Variants in STXBP6 observed in about 807,000 individuals in gnomAD.
STXBP6 encodes syntaxin binding protein 6, also known as syntaxin-binding protein 6.
Under a neutral mutation model 26.9 loss-of-function variants are expected in STXBP6, and 21 were observed. That is an observed-to-expected ratio of 0.78 (90% CI 0.55 to 1.12). The LOEUF is 1.12. Among genes scored for constraint, STXBP6 ranks in the 50% most tolerant of loss-of-function variants. The pLI is 0.00. For synonymous variants in STXBP6, 97 were observed against 92.6 expected (o/e 1.05, Z -0.27); for missense variants, 232 against 257.9 (o/e 0.90, Z 0.69).
At chr14:25,034,423 G>C (rs1054612225) in intron 1 of STXBP6, among the ~76,000 whole-genome samples, 14 of 152,134 alleles carry the variant, frequency 9.2e-5, no homozygotes, top group African/African-American at 3.4e-4. Flanking sequence ...CACGTAAGCT[G>C]AGCATATTTA....
chr14:25,012,622 A>G (rs370483525), intron 1 of STXBP6, among the ~76,000 whole-genome samples: 1 of 152,194 alleles, frequency 6.6e-6, no homozygotes. Context: ...ACAAACAAAC[A>G]AACAAAAAAA....
chr14:24,895,667 T>C (rs1373715799), intron 2 of STXBP6, among the ~76,000 whole-genome samples: 1 of 152,164 alleles, frequency 6.6e-6, no homozygotes, highest in African/African-American at 2.4e-5. Context: ...GAAGATAGGG[T>C]AGGGCTTCCA....
At chr14:24,844,541 T>G (rs2068886850) in intron 4 of STXBP6, among the ~76,000 whole-genome samples, 1 of 152,178 alleles carries the variant, frequency 6.6e-6, no homozygotes, top group South Asian at 2.1e-4. Flanking sequence ...TGGATTAAAT[T>G]GTAGGGCACC....
At chr14:25,005,529 C>T (rs2140351821) in intron 1 of STXBP6, among the ~76,000 whole-genome samples, 1 of 152,280 alleles carries the variant, frequency 6.6e-6, no homozygotes, top group African/African-American at 2.4e-5. Flanking sequence ...AAATTGTATC[C>T]TTCGCAAATG....
At chr14:24,866,118 A>G (rs567729210) in intron 2 of STXBP6, among the ~76,000 whole-genome samples, 7 of 152,278 alleles carry the variant, frequency 4.6e-5, no homozygotes, top group Admixed American at 3.9e-4. Flanking sequence ...AGTAAAGCAC[A>G]TGACCCTCCT....
intron 2 of STXBP6, among the ~76,000 whole-genome samples, chr14:24,879,859 C>A (rs1018114707): frequency 1.3e-5 from 2 of 152,284 alleles, no homozygotes; most frequent in Admixed American, 6.5e-5. Context: ...TGAGGGGCAA[C>A]AGATGGCAGC....
At chr14:24,909,785 T>C (rs1388596731) in intron 2 of STXBP6, among the ~76,000 whole-genome samples, 1 of 151,046 alleles carries the variant, frequency 6.6e-6, no homozygotes, top group Non-Finnish European at 1.5e-5. Flanking sequence ...GTGTAGTAGC[T>C]GATGACACCA....
chr14:24,927,376 C>T lies in STXBP6; in HGVS notation c.154+47289G>A, dbSNP rs1190150754. Among the ~76,000 whole-genome samples the T allele has an allele frequency of 2.0e-5, 3 of 152,146 alleles. No individual in the cohort carries two copies. In the East Asian group the frequency reaches 5.8e-4, roughly 29 times the overall value. On this transcript the variant is annotated intron_variant, in intron 2 of 5. Transcript: ENST00000323944. ...TGGCCGACTTTGTTTCCTCCTTGGC[C>T]TCTGAGCTGTGTTGACGCCTTTCTA...
intron 1 of STXBP6, among the ~76,000 whole-genome samples, chr14:24,999,760 G>C (rs1306284365): frequency 6.6e-6 from 1 of 152,110 alleles, no homozygotes; most frequent in Non-Finnish European, 1.5e-5. Context: ...AGTCTCCTCG[G>C]AGCAGTATCA....
At chr14:24,825,903 A>G (rs2068266216) in intron 4 of STXBP6, among the ~76,000 whole-genome samples, 2 of 152,204 alleles carry the variant, frequency 1.3e-5, no homozygotes, top group Admixed American at 1.3e-4. Context: ...GTATCAGGAG[A>G]ATGAATTCAA....
intron 2 of STXBP6, among the ~76,000 whole-genome samples, chr14:24,908,881 A>T (rs534775017): frequency 2.6e-5 from 4 of 152,202 alleles, no homozygotes; most frequent in Non-Finnish European, 5.9e-5. Flanking sequence ...ATCACCCACC[A>T]GCAGCTAAAC....
intron 2 of STXBP6, among the ~76,000 whole-genome samples, chr14:24,967,224 G>C (rs1204367792): frequency 1.3e-5 from 2 of 152,178 alleles, no homozygotes; most frequent in Non-Finnish European, 2.9e-5. Context: ...GATTAAAGGA[G>C]TTAACATGTG....
At chr14:24,892,775 G>A (rs887295865) in intron 2 of STXBP6, among the ~76,000 whole-genome samples, 9 of 152,184 alleles carry the variant, frequency 5.9e-5, no homozygotes, top group African/African-American at 1.9e-4. Context: ...AATGGGCCAT[G>A]TGGGAGAACA....
intron 4 of STXBP6, among the ~76,000 whole-genome samples, chr14:24,823,286 G>A (rs573586430): frequency 6.6e-6 from 1 of 152,078 alleles, no homozygotes; most frequent in African/African-American, 2.4e-5. Flanking sequence ...AGAACACAAT[G>A]AAAATAAATT....
chr14:24,988,175 C>T (rs1008980697), intron 1 of STXBP6, among the ~76,000 whole-genome samples: 6 of 152,224 alleles, frequency 3.9e-5, no homozygotes, highest in Admixed American at 2.0e-4. Context: ...GGACATTCAT[C>T]TGGCTTTGAT....
rs138198789 is a variant in STXBP6, at chr14:25,019,342, T to C, written c.-33+30536A>G. 7.2e-5 allele frequency among the ~76,000 whole-genome samples: 11 copies of C among 152,220 alleles called. No individual in the cohort carries two copies. The East Asian group carries it at 1.2e-3, about 16-fold the overall frequency. On this transcript the variant is annotated intron_variant, in intron 1 of 5. Transcript: ENST00000323944. ...AGAGAAGTGATTCTTTCCTTGGGAA[T>C]AGTTTGAGAAAAAAAAATCCAAGAT... is the stretch of plus-strand genomic sequence containing the variant.
intron 1 of STXBP6, among the ~76,000 whole-genome samples, chr14:25,034,569 T>A (rs1201723452): frequency 1.3e-5 from 2 of 152,174 alleles, no homozygotes; most frequent in Non-Finnish European, 2.9e-5. Context: ...TACAGCACAG[T>A]GCAGTGGTCA....
At chr14:24,888,450 G>A (rs2070667591) in intron 2 of STXBP6, among the ~76,000 whole-genome samples, 1 of 152,160 alleles carries the variant, frequency 6.6e-6, no homozygotes, top group East Asian at 1.9e-4. Context: ...TGGGCTGGGT[G>A]CGGTGGCTCA....
chr14:24,924,666 T>A (rs1226075661), intron 2 of STXBP6, among the ~76,000 whole-genome samples: 1 of 152,156 alleles, frequency 6.6e-6, no homozygotes, highest in Non-Finnish European at 1.5e-5. Flanking sequence ...AAGGCAAGCA[T>A]GTATGTACCT....
Sources: allele counts gnomAD v4.1 joint callset (sites outside exome capture counted in the v4.1 genomes callset), GRCh38; gene constraint gnomAD v4.1.1; transcripts MANE v1.5; gene names NCBI Gene and HGNC (gene_info 2026-07-23, HGNC 2026-07-21).